LYPLAL1: variants seen among roughly 807,000 people sequenced by gnomAD.
LYPLAL1 encodes lysophospholipase-like protein 1.
LYPLAL1 carries 23 observed loss-of-function variants against 19.7 expected under a neutral mutation model. The ratio of observed to expected loss-of-function variants is 1.17; its 90% CI spans 0.84 to 1.65. The LOEUF (loss-of-function observed/expected upper bound fraction) is 1.65, where lower values mean the gene tolerates loss of function less well. Ranked by LOEUF, LYPLAL1 falls within the 40% of genes most tolerant of loss-of-function variation. The pLI is 0.00. For missense variants in LYPLAL1, 355 were observed against 279.4 expected (o/e 1.27, Z -1.93); for synonymous variants, 119 against 96.3 (o/e 1.24, Z -1.38).
At chr1:219,385,227 A>C in the LYPLAL1 span, among the ~76,000 whole-genome samples, 1 of 152,192 alleles carries the variant, frequency 6.6e-6, no homozygotes, top group Non-Finnish European at 1.5e-5. Context: ...ACTCTGCCAG[A>C]ATCGAACTTC....
the LYPLAL1 span, among the ~76,000 whole-genome samples, chr1:219,382,004 T>G: frequency 1.3e-5 from 2 of 152,320 alleles, no homozygotes; most frequent in East Asian, 3.9e-4. Context: ...CTGCACTGGC[T>G]TAGCTAGGAA....
the LYPLAL1 span, among the ~76,000 whole-genome samples, chr1:219,350,008 C>A: frequency 6.6e-6 from 1 of 152,174 alleles, no homozygotes; most frequent in Non-Finnish European, 1.5e-5. Flanking sequence ...GATTTCACTG[C>A]AAACTGCTGA....
chr1:219,253,036 T>G, the LYPLAL1 span, among the ~76,000 whole-genome samples: 5 of 152,048 alleles, frequency 3.3e-5, no homozygotes, highest in African/African-American at 1.2e-4. Context: ...TGACCATGAT[T>G]TTATCCACCT....
the LYPLAL1 span, among the ~76,000 whole-genome samples, chr1:219,398,252 T>A: frequency 6.6e-6 from 1 of 152,192 alleles, no homozygotes; most frequent in African/African-American, 2.4e-5. Flanking sequence ...TTCATTCCCT[T>A]TTATTCTTTT....
At chr1:219,378,752 A>C in the LYPLAL1 span, among the ~76,000 whole-genome samples, 1 of 152,148 alleles carries the variant, frequency 6.6e-6, no homozygotes, top group African/African-American at 2.4e-5. Flanking sequence ...AATATACACA[A>C]GGGCCTTTTG....
the LYPLAL1 span, among the ~76,000 whole-genome samples, chr1:219,231,730 T>C: frequency 6.6e-6 from 1 of 152,242 alleles, no homozygotes; most frequent in African/African-American, 2.4e-5. Context: ...ATGTTTTGTC[T>C]GCATCAATTT....
At chr1:219,304,695 C>T in the LYPLAL1 span, among the ~76,000 whole-genome samples, 1 of 152,028 alleles carries the variant, frequency 6.6e-6, no homozygotes, top group African/African-American at 2.4e-5. Context: ...GGCAGAAGTC[C>T]AAGGAGTGAT....
At chr1:219,405,318 G>T in the LYPLAL1 span, among the ~76,000 whole-genome samples, 19 of 152,152 alleles carry the variant, frequency 1.2e-4, no homozygotes, top group Non-Finnish European at 2.2e-4. Flanking sequence ...AAATGTGTGT[G>T]GTGTCAGTGA....
the LYPLAL1 span, among the ~76,000 whole-genome samples, chr1:219,360,315 T>G: frequency 6.6e-6 from 1 of 152,112 alleles, no homozygotes; most frequent in African/African-American, 2.4e-5. Flanking sequence ...CCCTCTTTAT[T>G]TGTCCAGAAT....
the LYPLAL1 span, among the ~76,000 whole-genome samples, chr1:219,293,298 A>T: frequency 6.6e-6 from 1 of 152,204 alleles, no homozygotes; most frequent in African/African-American, 2.4e-5. Context: ...AGATAGTAGA[A>T]ATGGGAAGGA....
At chr1:219,369,200 T>C in the LYPLAL1 span, among the ~76,000 whole-genome samples, 1 of 152,244 alleles carries the variant, frequency 6.6e-6, no homozygotes, top group Non-Finnish European at 1.5e-5. Context: ...TCAGCATCTG[T>C]CATCTTGTGT....
At chr1:219,263,193 T>G in the LYPLAL1 span, among the ~76,000 whole-genome samples, 1 of 151,624 alleles carries the variant, frequency 6.6e-6, no homozygotes. Context: ...TATGGGGAGG[T>G]GGTTATCAGG....
chr1:219,372,844 C>A, the LYPLAL1 span, among the ~76,000 whole-genome samples: 1 of 151,948 alleles, frequency 6.6e-6, no homozygotes, highest in Non-Finnish European at 1.5e-5. Flanking sequence ...GTAGAGGCTG[C>A]AATGTACCGT....
chr1:219,247,167 T>G, the LYPLAL1 span, among the ~76,000 whole-genome samples: 1 of 152,230 alleles, frequency 6.6e-6, no homozygotes, highest in African/African-American at 2.4e-5. Context: ...TAACTACTTC[T>G]TAAGCAAAAT....
At chr1:219,361,280 G>C in the LYPLAL1 span, among the ~76,000 whole-genome samples, 8 of 152,332 alleles carry the variant, frequency 5.3e-5, 1 homozygote, top group African/African-American at 1.7e-4. Flanking sequence ...TTTGAGCAGA[G>C]GTGGGGAATG....
At chr1:219,378,578 G>C in the LYPLAL1 span, among the ~76,000 whole-genome samples, 107 of 152,040 alleles carry the variant, frequency 7.0e-4, no homozygotes, top group African/African-American at 2.4e-3. Flanking sequence ...AGTAGGGATG[G>C]GAGTAAAAAG....
At chr1:219,392,185 A>G in the LYPLAL1 span, among the ~76,000 whole-genome samples, 1 of 152,260 alleles carries the variant, frequency 6.6e-6, no homozygotes, top group East Asian at 1.9e-4. Flanking sequence ...GCTGTCTTTT[A>G]CATTGAGATC....
chr1:219,235,812 G>C, the LYPLAL1 span, among the ~76,000 whole-genome samples: 1 of 152,140 alleles, frequency 6.6e-6, no homozygotes, highest in South Asian at 2.1e-4. Flanking sequence ...TCTACCTTCA[G>C]TGCATTTTTG....
chr1:219,241,128 CTCTCTCTATATA>C, the LYPLAL1 span, among the ~76,000 whole-genome samples: 15 of 81,230 alleles, frequency 1.8e-4, no homozygotes, highest in African/African-American at 2.8e-4. Flanking sequence ...CTCTCTCTCT[CTCTCTCTATATA>C]TATATATATA....
Sources: gnomAD v4.1 joint callset for allele counts (sites outside exome capture counted in the v4.1 genomes callset) on GRCh38, gnomAD v4.1.1 for gene constraint, MANE v1.5 for transcripts, NCBI Gene and HGNC (gene_info 2026-07-23, HGNC 2026-07-21) for gene names.